TTC38: variants seen among roughly 807,000 people sequenced by gnomAD.
The protein encoded by TTC38 is tetratricopeptide repeat protein 38.
A neutral mutation model predicts 64.2 loss-of-function variants in TTC38; 64 were observed. The ratio of observed to expected loss-of-function variants is 1.00; its 90% CI spans 0.81 to 1.23. The LOEUF (loss-of-function observed/expected upper bound fraction) is 1.23. Ranked by LOEUF, TTC38 falls within the 50% of genes most tolerant of loss-of-function variation. The pLI is 0.00. For synonymous variants in TTC38, 254 were observed against 249.3 expected (o/e 1.02, Z -0.18); for missense variants, 573 against 615.5 (o/e 0.93, Z 0.73).
chr22:46,286,574 T>C (rs975693095), intron 9 of TTC38, among the ~76,000 whole-genome samples: 3 of 151,740 alleles, frequency 2.0e-5, no homozygotes, highest in Non-Finnish European at 2.9e-5. Context: ...GGCAGGATAA[T>C]TGCTTGAACC....
chr22:46,269,134 T>C (rs1936836567), intron 2 of TTC38: 6 of 440,486 alleles, frequency 1.4e-5, no homozygotes, highest in South Asian at 9.8e-5. Context: ...CTCTCCCTTC[T>C]TCCCCAGGAC....
Position 46,282,082 on chromosome 22 carries a change from G to T in TTC38, c.735+364G>T. ...GGAAGCATTAAACTCAACTGGGCTT[G>T]GGGGGACAGTGGCTAGGGAAGGCAT... is the stretch of plus-strand genomic sequence containing the variant. On this transcript the variant is annotated intron_variant, in intron 7 of 13. Coordinates refer to ENST00000381031, the MANE Select transcript of TTC38 (RefSeq NM_017931.4). The surrounding 1 kb of genome is among the most constrained non-coding windows in gnomAD (Gnocchi z 4.4). 4 of 430,484 alleles carry T rather than the reference G, an allele frequency of 9.3e-6. No homozygotes were observed. The highest frequency in any genetic ancestry group is 1.9e-5 in the Non-Finnish European group (4 of 207,372). 26.7% of individuals were successfully genotyped at this position (430,484 alleles called of 1,614,324 possible).
intron 1 of TTC38, 90 bp downstream of exon 1, chr22:46,268,162 C>G: frequency 7.0e-7 from 1 of 1,420,162 alleles, no homozygotes; most frequent in Non-Finnish European, 9.5e-7. Flanking sequence ...AGACATGGCC[C>G]GGGCGCGGGG....
At position 46,281,519 on chromosome 22, in the gene TTC38, C is replaced by G; in HGVS notation, c.616-80C>G. The G allele has an allele frequency of 6.3e-7, 1 of 1,579,274 alleles. No homozygotes were observed. The highest frequency in any genetic ancestry group is 1.1e-5 in the South Asian group (1 of 88,556). On this transcript the variant is annotated intron_variant, in intron 6 of 13. Coordinates refer to ENST00000381031, the MANE Select transcript of TTC38 (RefSeq NM_017931.4). The surrounding 1 kb of genome is among the most constrained non-coding windows in gnomAD (Gnocchi z 5.2). ...CGTTCAGCCCAGGCCCCTCTTGCCC[C>G]TTAGAGACCTGCCGTCGCCTGCCCC...
In TTC38 at chr22:46,282,068, ACT is replaced by A. The variant is rs895090005; in HGVS notation, c.735+352_735+353del. On this transcript the variant is annotated intron_variant, in intron 7 of 13. Coordinates refer to ENST00000381031, the MANE Select transcript of TTC38 (RefSeq NM_017931.4). This position sits in a 1 kb window ranked among gnomAD's most constrained non-coding sequence, Gnocchi z 4.4. ...TGTGGAAACGCAGAGGAAGCATTAA[ACT>A]CAACTGGGCTTGGGGGGACAGTGGC... 3 of 455,278 alleles carry A rather than the reference ACT, an allele frequency of 6.6e-6. No individual in the cohort carries two copies. Among genetic ancestry groups the A allele is most frequent in the East Asian group, 1.3e-4 (2 of 15,162 alleles). 28.2% of individuals were successfully genotyped at this position (455,278 alleles called of 1,614,324 possible).
At chr22:46,287,250 A>ACCCATGAGCTCT in intron 10 of TTC38, 96 bp downstream of exon 10, 2 of 1,104,812 alleles carry the variant, frequency 1.8e-6, no homozygotes, top group Non-Finnish European at 2.6e-6. Context: ...GCAAGAGCTC[A>ACCCATGAGCTCT]TGGGTGAGCC....
At chr22:46,287,213 G>A (rs1221297776) in intron 10 of TTC38, 59 bp downstream of exon 10, 3 of 1,477,368 alleles carry the variant, frequency 2.0e-6, no homozygotes, top group Non-Finnish European at 2.8e-6. Context: ...ATGAGGAGAG[G>A]GTGCTGTGGC....
Position 46,273,484 on chromosome 22 carries a change from G to A in TTC38, c.194-414G>A, listed in dbSNP as rs764258783. 3.3e-5 allele frequency among the ~76,000 whole-genome samples: 5 copies of A among 152,248 alleles called. No individual in the cohort carries two copies. The highest frequency in any genetic ancestry group is 7.3e-5 in the Non-Finnish European group (5 of 68,044). On this transcript the variant is annotated intron_variant, in intron 3 of 13. Coordinates refer to ENST00000381031, the MANE Select transcript of TTC38 (RefSeq NM_017931.4). The surrounding 1 kb of genome is among the most constrained non-coding windows in gnomAD (Gnocchi z 5.1). ...TAGCATGTGTGAGCAGCACAGATGG[G>A]ATCATGACTTCTGTGCTCCGGGGCC... is the stretch of plus-strand genomic sequence containing the variant.
chr22:46,281,838 C>T lies in TTC38; in HGVS notation c.735+120C>T. The T allele has an allele frequency of 2.3e-6, 3 of 1,331,970 alleles. No homozygotes were observed. The highest frequency in any genetic ancestry group is 1.4e-5 in the African/African-American group (1 of 69,158). The allele number at this position is 1,331,970 out of a possible 1,614,324, so 82.5% of individuals were successfully genotyped here. ...CTTAATTCTCGGGGTTCCCTCTCCTCCTCCACCTGCACCTGCCTCAGGTGT... is the reference window on the plus strand; with the variant it reads ...CTTAATTCTCGGGGTTCCCTCTCCTTCTCCACCTGCACCTGCCTCAGGTGT... On this transcript the variant is annotated intron_variant, in intron 7 of 13. Transcript: ENST00000381031. The surrounding 1 kb of genome is among the most constrained non-coding windows in gnomAD (Gnocchi z 5.2).
rs905644916 is a variant in TTC38, at chr22:46,275,091, G to C, written c.366-157G>C. On this transcript the variant is annotated intron_variant, in intron 4 of 13. Coordinates refer to ENST00000381031, the MANE Select transcript of TTC38 (RefSeq NM_017931.4). This position sits in a 1 kb window ranked among gnomAD's most constrained non-coding sequence, Gnocchi z 4.5. ...CTGCCTTGGTCTCCCAAAGTGCTGG[G>C]ATTACAGGCATAAGCCACCGCACCC... Among the ~76,000 whole-genome samples the C allele has an allele frequency of 1.8e-4, 28 of 152,140 alleles. No homozygotes were observed. Among genetic ancestry groups the C allele is most frequent in the African/African-American group, 6.5e-4 (27 of 41,412 alleles).
chr22:46,279,182 C>G (rs1304014040), intron 6 of TTC38, among the ~76,000 whole-genome samples: 1 of 152,180 alleles, frequency 6.6e-6, no homozygotes, highest in Non-Finnish European at 1.5e-5. Flanking sequence ...GTACCTGGGC[C>G]CAGGGCTGGG....
At chr22:46,279,297 G>A (rs2077516348) in intron 6 of TTC38, among the ~76,000 whole-genome samples, 1 of 152,198 alleles carries the variant, frequency 6.6e-6, no homozygotes, top group African/African-American at 2.4e-5. Flanking sequence ...GGCCCATGGA[G>A]GGGCTGCCAT....
chr22:46,287,267 G>C, intron 10 of TTC38, 113 bp downstream of exon 10: 1 of 902,138 alleles, frequency 1.1e-6, no homozygotes, highest in Non-Finnish European at 1.7e-6. Flanking sequence ...AGCCGCTCCA[G>C]ACCCCTCTGC....
At position 46,288,522 on chromosome 22, in the gene TTC38, C is replaced by T. The variant is rs1431804744; in HGVS notation, c.1016C>T (p.Ala339Val). The T allele has an allele frequency of 1.9e-6, 3 of 1,613,896 alleles. No individual in the cohort carries two copies. Among genetic ancestry groups the T allele is most frequent in the Non-Finnish European group, 1.7e-6 (2 of 1,179,932 alleles). The change falls in exon 11 of 14, where the codon GCA becomes GTA. Residue 339 changes from alanine (A) to valine (V), a missense_variant. Ala to Val is a moderately conservative substitution (Grantham distance 64). Coordinates refer to ENST00000381031, the MANE Select transcript of TTC38 (RefSeq NM_017931.4). The stretch of plus-strand genomic sequence containing the variant: ...TTCAATGACGCACACTTCCTGATGG[C>T]ATCCCTGGGTGCACACGACCCCCAG... The part of the protein sequence containing the change: ...LLFNDAHFLM[A>V]SLGAHDPQTT...
chr22:46,276,836 TATA>T lies in TTC38; in HGVS notation c.539+1416_539+1418del, dbSNP rs1426738748. Among the ~76,000 whole-genome samples, 80 of 141,414 alleles carry T rather than the reference TATA, an allele frequency of 5.7e-4. No individual in the cohort carries two copies. The highest frequency in any genetic ancestry group is 2.1e-3 in the African/African-American group (76 of 36,644). The allele number at this position is 141,414 out of a possible 152,430, so 92.8% of individuals were successfully genotyped here. On this transcript the variant is annotated intron_variant, in intron 5 of 13. Transcript: ENST00000381031. The surrounding 1 kb of genome is among the most constrained non-coding windows in gnomAD (Gnocchi z 4.7). ...AATATATATATTAAATATATATATA[TATA>T]TAAACATATATATATATAAAAAATA...
chr22:46,270,803 C>T lies in TTC38; in HGVS notation c.112-1532C>T, dbSNP rs1936878050. ...GAGCTGAGATAGTGCCACTGCCTTC[C>T]AGCCTGGGTGACAGGGCAAGACTCC... On this transcript the variant is annotated intron_variant, in intron 2 of 13. Transcript: ENST00000381031. The surrounding 1 kb of genome is among the most constrained non-coding windows in gnomAD (Gnocchi z 4.7). 6.6e-6 allele frequency among the ~76,000 whole-genome samples: 1 copy of T among 151,954 alleles called. No homozygotes were observed. The highest frequency in any genetic ancestry group is 2.1e-4 in the South Asian group (1 of 4,816).
In TTC38 at chr22:46,291,484, A is replaced by G. The variant is rs1322577135; in HGVS notation, c.1317-1307A>G. Among the ~76,000 whole-genome samples the G allele has an allele frequency of 6.6e-6, 1 of 152,124 alleles. No homozygotes were observed. The highest frequency in any genetic ancestry group is 1.5e-5 in the Non-Finnish European group (1 of 68,006). ...CCTGTCCTGCTACCAGGCAGCATCC[A>G]TGGGGCCATCAGCACAGCTCACCAG... is the stretch of plus-strand genomic sequence containing the variant. On this transcript the variant is annotated intron_variant, in intron 13 of 13. Coordinates refer to ENST00000381031, the MANE Select transcript of TTC38 (RefSeq NM_017931.4). This position sits in a 1 kb window ranked among gnomAD's most constrained non-coding sequence, Gnocchi z 4.6.
Position 46,281,863 on chromosome 22 carries a change from T to C in TTC38, c.735+145T>C. The C allele has an allele frequency of 9.1e-7, 1 of 1,101,076 alleles. No individual in the cohort carries two copies. The allele number at this position is 1,101,076 out of a possible 1,614,324, so 68.2% of individuals were successfully genotyped here. On this transcript the variant is annotated intron_variant, in intron 7 of 13. Transcript: ENST00000381031. The surrounding 1 kb of genome is among the most constrained non-coding windows in gnomAD (Gnocchi z 5.2). ...CCTCCACCTGCACCTGCCTCAGGTG[T>C]TTGGCTGCTGAGCAGAATGCAATCA...
rs545843907 is a variant in TTC38, at chr22:46,278,534, C to T, written c.540-52C>T. On this transcript the variant is annotated intron_variant, in intron 5 of 13. Coordinates refer to ENST00000381031, the MANE Select transcript of TTC38 (RefSeq NM_017931.4). ...GTATCTTTGCGGGGACACAGTTCAA[C>T]CTGCTACCCATCCATCATTTTGTAT... The T allele has an allele frequency of 1.3e-4, 189 of 1,494,034 alleles. 3 individuals carry two copies. In the South Asian group the frequency reaches 2.1e-3, roughly 16 times the overall value. The allele number at this position is 1,494,034 out of a possible 1,614,324, so 92.5% of individuals were successfully genotyped here. A position where few individuals can be genotyped will look rare whatever the true frequency, so the allele number is the denominator to read the frequency against.
Sources: allele counts gnomAD v4.1 joint callset (sites outside exome capture counted in the v4.1 genomes callset), GRCh38; gene constraint gnomAD v4.1.1; non-coding constraint Gnocchi (gnomAD v3.1); transcripts MANE v1.5; gene names NCBI Gene and HGNC (gene_info 2026-07-23, HGNC 2026-07-21).